Variants in MYO5A observed in about 807,000 individuals in gnomAD.
MYO5A encodes myosin VA, also known as unconventional myosin-Va.
MYO5A carries 98 observed loss-of-function variants against 249.7 expected under a neutral mutation model. That is an observed-to-expected ratio of 0.39 (90% CI 0.33 to 0.46). The LOEUF (loss-of-function observed/expected upper bound fraction) is 0.46, where lower values mean the gene tolerates loss of function less well. Among genes scored for constraint, MYO5A ranks in the 20% least tolerant of loss-of-function variants. MYO5A has a pLI of 0.98. For missense variants in MYO5A, 1,696 were observed against 2,308.8 expected, an observed-to-expected ratio of 0.73 and a Z score of 5.44; for synonymous variants, 778 against 810.6, an observed-to-expected ratio of 0.96 and a Z score of 0.68.
At chr15:52,400,238 C>T (rs2042689794) in intron 9 of MYO5A, among the ~76,000 whole-genome samples, 1 of 152,112 alleles carries the variant, frequency 6.6e-6, no homozygotes, top group Admixed American at 6.5e-5. Context: ...TTATAATTAA[C>T]ATAATGTAAT....
chr15:52,392,603 A>G (rs551660937), intron 11 of MYO5A, among the ~76,000 whole-genome samples: 9 of 152,366 alleles, frequency 5.9e-5, no homozygotes, highest in Admixed American at 3.3e-4. Flanking sequence ...CATGGAGTCT[A>G]CGACTCACTT....
Position 52,321,347 on chromosome 15 carries a change from C to T in MYO5A, c.4951+12G>A, listed in dbSNP as rs1319314298. The T allele has an allele frequency of 1.9e-6, 3 of 1,614,142 alleles. No homozygotes were observed. The highest frequency in any genetic ancestry group is 2.5e-6 in the Non-Finnish European group (3 of 1,180,036). ...AGGCAGGCTGCAATGCCCAGTGGGG[C>T]CCTGGCCTTACCAATCATTGGCTGA... is the stretch of plus-strand genomic sequence containing the variant. On this transcript the variant is annotated intron_variant, in intron 38 of 41. Coordinates refer to ENST00000399233, the MANE Select transcript of MYO5A (RefSeq NM_001382347.1).
chr15:52,430,721 C>CA, intron 2 of MYO5A, among the ~76,000 whole-genome samples: 1 of 152,236 alleles, frequency 6.6e-6, no homozygotes, highest in African/African-American at 2.4e-5. Context: ...TAAACATAGA[C>CA]ACTGTACTCT....
Position 52,407,350 on chromosome 15 carries a change from A to G in MYO5A, c.888T>C (p.Ile296=). The stretch of plus-strand genomic sequence containing the variant: ...TCTCCTTTGCATCATCCACTCCTTC[A>G]ATCACAGGACTGCCTCCTTGTTTTG... The part of the protein sequence containing the change: ...NYTKQGGSPV[I]EGVDDAKEMA... The change falls in exon 8 of 42, where the codon ATT becomes ATC. Residue 296 remains isoleucine, a synonymous_variant. Coordinates refer to ENST00000399233, the MANE Select transcript of MYO5A (RefSeq NM_001382347.1). The G allele has an allele frequency of 6.2e-7, 1 of 1,613,762 alleles. No individual in the cohort carries two copies. The highest frequency in any genetic ancestry group is 8.5e-7 in the Non-Finnish European group (1 of 1,179,694).
chr15:52,333,040 T>C (rs2038961771), intron 34 of MYO5A, among the ~76,000 whole-genome samples: 1 of 152,146 alleles, frequency 6.6e-6, no homozygotes, highest in Non-Finnish European at 1.5e-5. Context: ...GAACACAGAG[T>C]TCGTCCCCTT....
chr15:52,360,020 T>C lies in MYO5A; in HGVS notation c.3371A>G (p.Tyr1124Cys), dbSNP rs545143802. ...TTCTGCAATTTCAGAGCTAAAGATA[T>C]ATTCAGACTCGTTGCTGCTGTGGGT... is the stretch of plus-strand genomic sequence containing the variant. ...DSTHSSNESEYIFSSEIAEME... is the reference protein window; with the variant it reads ...DSTHSSNESECIFSSEIAEME... Residue 1124 changes from tyrosine (Y) to cysteine (C), a missense_variant, in exon 25 of 42, where the codon TAT (tyrosine) becomes TGT (cysteine). Tyr to Cys is a radical substitution (Grantham distance 194, BLOSUM62 -2). Coordinates refer to ENST00000399233, the MANE Select transcript of MYO5A (RefSeq NM_001382347.1). 11 of 1,613,830 alleles carry C rather than the reference T, an allele frequency of 6.8e-6. No homozygotes were observed. The South Asian group carries it at 1.1e-4, about 16-fold the overall frequency.
In MYO5A at chr15:52,336,520, C is replaced by T. The variant is rs1341773336; in HGVS notation, c.4351G>A (p.Val1451Ile). The T allele has an allele frequency of 6.2e-7, 1 of 1,608,260 alleles. No individual in the cohort carries two copies. Among genetic ancestry groups the T allele is most frequent in the Non-Finnish European group, 8.5e-7 (1 of 1,176,582 alleles). Reference sequence around the variant, plus strand: ...TTCAGTTGTTTTTTCAGTTTACGGACCGTCTTATCCTGTTTTTCAAGTTGT... The same window carrying T: ...TTCAGTTGTTTTTTCAGTTTACGGATCGTCTTATCCTGTTTTTCAAGTTGT... ...MEQLEKQDKTVRKLKKQLKVF... is the reference protein window; with the variant it reads ...MEQLEKQDKTIRKLKKQLKVF... The change falls in exon 34 of 42, where the codon GTC becomes ATC. Residue 1451 changes from valine (V) to isoleucine (I), a missense_variant. Around this residue, in one of 5 missense-constraint regions of MYO5A, gnomAD observed 625 missense variants for 908.1 expected, o/e 0.69. Coordinates refer to ENST00000399233, the MANE Select transcript of MYO5A (RefSeq NM_001382347.1).
intron 5 of MYO5A, among the ~76,000 whole-genome samples, chr15:52,411,542 A>G (rs2043248986): frequency 6.6e-6 from 1 of 152,200 alleles, no homozygotes; most frequent in Non-Finnish European, 1.5e-5. Flanking sequence ...CAAAGCAAAA[A>G]AAAAAAAGAT....
chr15:52,494,555 C>T (rs1015590310), intron 1 of MYO5A, among the ~76,000 whole-genome samples: 1 of 152,152 alleles, frequency 6.6e-6, no homozygotes, highest in Non-Finnish European at 1.5e-5. Flanking sequence ...TGCAGTGGCA[C>T]CATCTCGGCT....
chr15:52,323,654 CT>C (rs1027977505), intron 36 of MYO5A: 8 of 480,736 alleles, frequency 1.7e-5, no homozygotes, highest in East Asian at 4.1e-5. Context: ...TTGCCATTCA[CT>C]TTTTTGGCAT....
chr15:52,412,844 T>C (rs1446679175), intron 5 of MYO5A, among the ~76,000 whole-genome samples: 3 of 152,192 alleles, frequency 2.0e-5, no homozygotes, highest in Middle Eastern at 3.2e-3. Context: ...ATTATGGTTA[T>C]TGAAATTAAA....
chr15:52,316,150 C>T (rs928148254), intron 40 of MYO5A, among the ~76,000 whole-genome samples: 1 of 136,400 alleles, frequency 7.3e-6, no homozygotes, highest in African/African-American at 2.7e-5. Flanking sequence ...AGGAGAATGG[C>T]GTGAACCTGG....
At position 52,397,459 on chromosome 15, in the gene MYO5A, T is replaced by C; in HGVS notation, c.1061A>G (p.His354Arg). 2 of 1,613,964 alleles carry C rather than the reference T, an allele frequency of 1.2e-6. No homozygotes were observed. The highest frequency in any genetic ancestry group is 1.7e-6 in the Non-Finnish European group (2 of 1,179,858). The change falls in exon 10 of 42, where the codon CAT becomes CGT. Residue 354 changes from histidine to arginine, a missense_variant. His to Arg is a conservative substitution (Grantham distance 29). Around this residue, in one of 5 missense-constraint regions of MYO5A, gnomAD observed 185 missense variants for 204.8 expected, o/e 0.90. Transcript: ENST00000399233. ...TTCACAGAAGATGCAGAGAGGTTCA[T>C]GCTTGGGCTGCCAAAAGATAATGAG... is the stretch of plus-strand genomic sequence containing the variant. The part of the protein sequence containing the change: ...DADSCTIPPK[H>R]EPLCIFCELM...
At chr15:52,460,716 A>C (rs2076232114) in intron 1 of MYO5A, among the ~76,000 whole-genome samples, 1 of 152,142 alleles carries the variant, frequency 6.6e-6, no homozygotes, top group East Asian at 1.9e-4. Flanking sequence ...AGCTTAAAGA[A>C]GTTATCTAAG....
chr15:52,387,853 T>G lies in MYO5A; in HGVS notation c.1728A>C (p.Gln576His), dbSNP rs371220531. The G allele has an allele frequency of 1.1e-5, 18 of 1,610,660 alleles. No individual in the cohort carries two copies. Among genetic ancestry groups the G allele is most frequent in the Non-Finnish European group, 1.5e-5 (18 of 1,177,274 alleles). The part of the protein sequence containing the change: ...EKNKDTVFEE[Q>H]IKVLKSSKFK... ...CCTTGCTTGATTTAAGAACTTTAAT[T>G]TGTTCTTCAAAAACGGTGTCTTTAT... Residue 576 changes from glutamine (Q) to histidine (H), a missense_variant, in exon 14 of 42, where the codon CAA becomes CAC. By Grantham distance (24) the Gln-to-His change is conservative. Transcript: ENST00000399233.
chr15:52,466,313 G>A (rs1463931635), intron 1 of MYO5A, among the ~76,000 whole-genome samples: 1 of 152,164 alleles, frequency 6.6e-6, no homozygotes, highest in Admixed American at 6.5e-5. Flanking sequence ...CCAGAACTGA[G>A]AAATGAGTGT....
At chr15:52,462,792 G>C (rs948848797) in intron 1 of MYO5A, among the ~76,000 whole-genome samples, 1 of 151,540 alleles carries the variant, frequency 6.6e-6, no homozygotes, top group Non-Finnish European at 1.5e-5. Flanking sequence ...AGGTTGCTGT[G>C]AGCCAAGATT....
At chr15:52,392,335 G>A (rs946785469) in intron 11 of MYO5A, among the ~76,000 whole-genome samples, 5 of 152,198 alleles carry the variant, frequency 3.3e-5, no homozygotes, top group Non-Finnish European at 7.4e-5. Context: ...TTTTGATTAT[G>A]TATATTTTCA....
At chr15:52,361,787 T>G (rs536587993) in intron 24 of MYO5A, among the ~76,000 whole-genome samples, 1 of 152,252 alleles carries the variant, frequency 6.6e-6, no homozygotes, top group African/African-American at 2.4e-5. Flanking sequence ...CGTTTATACG[T>G]TTTTCAATTA....
Sources: allele counts gnomAD v4.1 joint callset (sites outside exome capture counted in the v4.1 genomes callset), GRCh38; gene constraint gnomAD v4.1.1; regional missense constraint gnomAD v4.1.1; transcripts MANE v1.5; gene names NCBI Gene and HGNC (gene_info 2026-07-23, HGNC 2026-07-21).